Variants in PTPA observed in about 807,000 individuals in gnomAD.
PTPA encodes serine/threonine-protein phosphatase 2A activator.
In PTPA, 13 loss-of-function variants were observed where a neutral mutation model predicts 43.6. That is an observed-to-expected ratio of 0.30 (90% CI 0.19 to 0.47). The LOEUF is 0.47. Among genes scored for constraint, PTPA ranks in the 20% least tolerant of loss-of-function variants. PTPA has a pLI of 0.99. For missense variants in PTPA, 329 were observed against 411.9 expected, an observed-to-expected ratio of 0.80 and a Z score of 1.74; for synonymous variants, 172 against 158.2, an observed-to-expected ratio of 1.09 and a Z score of -0.66.
At chr9:129,146,304 G>A (rs1223184786) in intron 9 of PTPA, among the ~76,000 whole-genome samples, 3 of 152,100 alleles carry the variant, frequency 2.0e-5, no homozygotes. Context: ...CATGAGCTTG[G>A]TTTCCATCCT....
intron 1 of PTPA, among the ~76,000 whole-genome samples, chr9:129,118,658 A>G (rs998072652): frequency 6.6e-6 from 1 of 151,478 alleles, no homozygotes; most frequent in Non-Finnish European, 1.5e-5. Context: ...TGTAGGCATG[A>G]GCCACCGCGC....
Position 129,142,496 on chromosome 9 carries a change from G to A in PTPA, c.838G>A (p.Ala280Thr). The A allele has an allele frequency of 1.9e-6, 3 of 1,612,140 alleles. No individual in the cohort carries two copies. The highest frequency in any genetic ancestry group is 1.1e-5 in the South Asian group (1 of 90,978). The stretch of plus-strand genomic sequence containing the variant: ...CTCCAACCAGCTGTGGAACATCAGC[G>A]CCGTCCCTTCCTGGTCCAAAGTGAA... Reference protein sequence around the residue: ...EHSNQLWNISAVPSWSKVNQG... With the variant: ...EHSNQLWNISTVPSWSKVNQG... The change falls in exon 9 of 10, where the codon GCC becomes ACC. Residue 280 changes from alanine to threonine, a missense_variant. Coordinates refer to ENST00000393370, the MANE Select transcript of PTPA (RefSeq NM_178000.3).
chr9:129,136,143 AT>A (rs1444607919), intron 6 of PTPA, among the ~76,000 whole-genome samples: 1 of 151,748 alleles, frequency 6.6e-6, no homozygotes, highest in Non-Finnish European at 1.5e-5. Flanking sequence ...GATTTTTTGG[AT>A]TTTTAGTAGA....
Position 129,111,504 on chromosome 9 carries a change from G to T in PTPA, c.-97G>T, listed in dbSNP as rs1295069540. On this transcript the variant is annotated 5_prime_UTR_variant, in exon 1 of 10. Transcript: ENST00000393370. ...GCGCTCACTTGTCTTCAGGAAGCTCGGAGCCTTTGGTGGAGCCGGGGAGAG... is the reference window on the plus strand; with the variant it reads ...GCGCTCACTTGTCTTCAGGAAGCTCTGAGCCTTTGGTGGAGCCGGGGAGAG... The T allele has an allele frequency of 7.9e-6, 10 of 1,268,282 alleles. No homozygotes were observed. Among genetic ancestry groups the T allele is most frequent in the Middle Eastern group, 2.0e-4 (1 of 4,894 alleles). 78.6% of individuals were successfully genotyped at this position (1,268,282 alleles called of 1,614,324 possible).
rs374843290 is a variant in PTPA at position 129,113,667 on chromosome 9, G to A, written c.31+2036G>A. 5.9e-5 allele frequency among the ~76,000 whole-genome samples: 9 copies of A among 152,000 alleles called. No individual in the cohort carries two copies. The East Asian group carries it at 1.2e-3, about 20-fold the overall frequency. On this transcript the variant is annotated intron_variant, in intron 1 of 9. Coordinates refer to ENST00000393370, the MANE Select transcript of PTPA (RefSeq NM_178000.3). The stretch of plus-strand genomic sequence containing the variant: ...CGTCTGTAATCGCAGCTACTCGGGA[G>A]GCTGAGGCAGGAGAATCACTTGAAC...
At chr9:129,143,248 T>A (rs1327930536) in intron 9 of PTPA, 3 of 697,054 alleles carry the variant, frequency 4.3e-6, no homozygotes, top group Non-Finnish European at 7.9e-6. Context: ...CTGTCCCTTC[T>A]GCTAGCTCCT....
chr9:129,122,010 G>A (rs1156519891), intron 2 of PTPA, among the ~76,000 whole-genome samples: 1 of 152,182 alleles, frequency 6.6e-6, no homozygotes, highest in African/African-American at 2.4e-5. Context: ...AAGGAGAAAG[G>A]AAGAAAGAGA....
intron 9 of PTPA, 23 bp downstream of exon 9, chr9:129,142,575 G>C (rs1273455630): frequency 6.2e-7 from 1 of 1,613,638 alleles, no homozygotes; most frequent in Non-Finnish European, 8.5e-7. Flanking sequence ...TGGCCAGTGT[G>C]CCCGTCCCTG....
chr9:129,117,601 C>T (rs989275680), intron 1 of PTPA, among the ~76,000 whole-genome samples: 9 of 150,356 alleles, frequency 6.0e-5, no homozygotes, highest in Admixed American at 2.0e-4. Context: ...GGTGGAATTT[C>T]GCTATGTTGG....
At position 129,118,116 on chromosome 9, in the gene PTPA, C is replaced by T. The variant is rs145524106; in HGVS notation, c.32-2397C>T. Among the ~76,000 whole-genome samples, 7 of 150,844 alleles carry T rather than the reference C, an allele frequency of 4.6e-5. No individual in the cohort carries two copies. In the Middle Eastern group the frequency reaches 0.01, roughly 221 times the overall value. On this transcript the variant is annotated intron_variant, in intron 1 of 9. Coordinates refer to ENST00000393370, the MANE Select transcript of PTPA (RefSeq NM_178000.3). ...CAACCAGAGCTGGAGCGCAATGGCA[C>T]GATCTCAGCTCACTGTAACCTCTGC...
intron 9 of PTPA, among the ~76,000 whole-genome samples, chr9:129,147,148 GTT>G (rs1181546030): frequency 6.6e-6 from 1 of 150,948 alleles, no homozygotes; most frequent in Non-Finnish European, 1.5e-5. Context: ...TCTCTTCTCG[GTT>G]TCTACCTTGT....
intron 9 of PTPA, among the ~76,000 whole-genome samples, chr9:129,146,126 G>T (rs1240000009): frequency 2.6e-5 from 4 of 152,034 alleles, no homozygotes; most frequent in South Asian, 2.1e-4. Flanking sequence ...GGGCTCTTAT[G>T]ACCACTTCTG....
intron 1 of PTPA, among the ~76,000 whole-genome samples, chr9:129,114,847 T>C (rs1371044369): frequency 1.3e-5 from 2 of 152,188 alleles, no homozygotes; most frequent in African/African-American, 2.4e-5. Context: ...TTCTTTGATT[T>C]GGGATTGTGT....
chr9:129,114,018 A>G (rs1035898400), intron 1 of PTPA, among the ~76,000 whole-genome samples: 2 of 152,042 alleles, frequency 1.3e-5, no homozygotes, highest in Non-Finnish European at 2.9e-5. Flanking sequence ...GAACAGCTGG[A>G]AAGAACTTCT....
intron 3 of PTPA, among the ~76,000 whole-genome samples, chr9:129,123,835 C>T (rs1485482800): frequency 1.3e-5 from 2 of 152,040 alleles, no homozygotes; most frequent in Non-Finnish European, 2.9e-5. Flanking sequence ...AGGCGTGTGC[C>T]ACCACACCTG....
At chr9:129,111,839 G>A in intron 1 of PTPA, 1 of 1,202,706 alleles carries the variant, frequency 8.3e-7, no homozygotes, top group Non-Finnish European at 1.0e-6. Flanking sequence ...CTGCAAAGGG[G>A]TGGTGATTGG....
chr9:129,130,129 A>C (rs1164043470), intron 4 of PTPA, among the ~76,000 whole-genome samples: 1 of 152,184 alleles, frequency 6.6e-6, no homozygotes, highest in African/African-American at 2.4e-5. Flanking sequence ...CGAAGGTGTT[A>C]CCTATTCAAA....
chr9:129,123,871 C>T (rs920306657), intron 3 of PTPA, among the ~76,000 whole-genome samples: 2 of 151,988 alleles, frequency 1.3e-5, no homozygotes, highest in African/African-American at 2.4e-5. Flanking sequence ...TTAGTAGAGA[C>T]GGGGTTTCTC....
intron 8 of PTPA, among the ~76,000 whole-genome samples, chr9:129,141,173 A>T (rs1447979437): frequency 6.6e-6 from 1 of 151,962 alleles, no homozygotes; most frequent in Admixed American, 6.6e-5. Flanking sequence ...TAAATCTTAA[A>T]AGTTTTGTCA....
Sources: allele counts gnomAD v4.1 joint callset (sites outside exome capture counted in the v4.1 genomes callset), GRCh38; gene constraint gnomAD v4.1.1; transcripts MANE v1.5; gene names NCBI Gene and HGNC (gene_info 2026-07-23, HGNC 2026-07-21).